Variants in GPX4 observed in about 807,000 individuals in gnomAD.
GPX4 encodes glutathione peroxidase 4.
In GPX4, 28 loss-of-function variants were observed where a neutral mutation model predicts 27.8. The observed-to-expected ratio is 1.01, with a 90% CI of 0.75 to 1.38. The LOEUF is 1.38. Ranked by LOEUF, GPX4 falls within the 40% of genes most tolerant of loss-of-function variation. The pLI, the probability that GPX4 is intolerant of heterozygous loss-of-function variation, is 0.00. For synonymous variants in GPX4, 163 were observed against 107.8 expected (o/e 1.51, Z -3.17); for missense variants, 357 against 274.1 (o/e 1.30, Z -2.14).
In GPX4 at chr19:1,106,159, C is replaced by G. The variant is rs8178976; in HGVS notation, c.477-83C>G. The G allele has an allele frequency of 3.0e-3, 4,034 of 1,338,618 alleles. 94 individuals are homozygous for G. In the African/African-American group the frequency reaches 0.053, roughly 18 times the overall value. The allele number at this position is 1,338,618 out of a possible 1,614,324, so 82.9% of individuals were successfully genotyped here. On this transcript the variant is annotated intron_variant, in intron 4 of 6. Transcript: ENST00000354171. Reference sequence around the variant, plus strand: ...TGGAGGCAGCCGGGGAAGCTCACACCCTTGTGGCCTCCTGGAGACAGGACA... The same window carrying G: ...TGGAGGCAGCCGGGGAAGCTCACACGCTTGTGGCCTCCTGGAGACAGGACA...
chr19:1,105,381 C>A lies in GPX4; in HGVS notation c.195C>A (p.Ile65=). The A allele has an allele frequency of 6.2e-7, 1 of 1,610,408 alleles. No homozygotes were observed. The highest frequency in any genetic ancestry group is 8.5e-7 in the Non-Finnish European group (1 of 1,177,960). The change falls in exon 3 of 7, where the codon ATC becomes ATA. Residue 65 remains isoleucine, a synonymous_variant. Transcript: ENST00000354171. ...NLDKYRGFVC[I]VTNVASQUGK... ...ATCCTCGCAGGGGCTTCGTGTGCATCGTCACCAACGTGGCCTCCCAGTGAG... is the reference window on the plus strand; with the variant it reads ...ATCCTCGCAGGGGCTTCGTGTGCATAGTCACCAACGTGGCCTCCCAGTGAG...
At chr19:1,106,111 G>T (rs1473540458) in intron 4 of GPX4, 131 bp from the exon 5 acceptor site, 1 of 866,672 alleles carries the variant, frequency 1.2e-6, no homozygotes, top group Non-Finnish European at 1.8e-6. Context: ...TGGCTCTGGG[G>T]GGGCTTGGGG....
chr19:1,106,388 G>T lies in GPX4; in HGVS notation c.502-12G>T, dbSNP rs374681817. 4 of 1,613,478 alleles carry T rather than the reference G, an allele frequency of 2.5e-6. No homozygotes were observed. The highest frequency in any genetic ancestry group is 3.4e-6 in the Non-Finnish European group (4 of 1,179,928). Reference sequence around the variant, plus strand: ...GGGGTGGCCCCACAGTTTGGACACCGTCTCTCCACAGTTCCTCATCGACAA... The same window carrying T: ...GGGGTGGCCCCACAGTTTGGACACCTTCTCTCCACAGTTCCTCATCGACAA... On this transcript the variant is annotated splice_polypyrimidine_tract_variant and intron_variant, in intron 5 of 6. Coordinates refer to ENST00000354171, the MANE Select transcript of GPX4 (RefSeq NM_002085.5).
At position 1,105,435 on chromosome 19, in the gene GPX4, C is replaced by G. The variant is rs199743575; in HGVS notation, c.249C>G (p.Leu83=). 5 of 1,612,478 alleles carry G rather than the reference C, an allele frequency of 3.1e-6. No homozygotes were observed. The highest frequency in any genetic ancestry group is 2.2e-5 in the South Asian group (2 of 91,028). Reference sequence around the variant, plus strand: ...AGACCGAAGTAAACTACACTCAGCTCGTCGACCTGCACGCCCGATACGCTG... The same window carrying G: ...AGACCGAAGTAAACTACACTCAGCTGGTCGACCTGCACGCCCGATACGCTG... ...UGKTEVNYTQ[L]VDLHARYAEC... is the part of the protein sequence containing the mutation. Residue 83 remains leucine (L), a synonymous_variant, in exon 3 of 7, where the codon CTC becomes CTG. Transcript: ENST00000354171.
intron 4 of GPX4, 188 bp from the exon 5 acceptor site, chr19:1,106,054 T>TG (rs2079649156): frequency 2.9e-5 from 11 of 381,230 alleles, no homozygotes; most frequent in South Asian, 5.2e-5. Context: ...CGGGGGCCTG[T>TG]GGGGGGCTGT....
chr19:1,105,370 T>C lies in GPX4; in HGVS notation c.184T>C (p.Phe62Leu). ...TGACGCCGCCGATCCTCGCAGGGGC[T>C]TCGTGTGCATCGTCACCAACGTGGC... is the stretch of plus-strand genomic sequence containing the variant. Reference protein sequence around the residue: ...HMVNLDKYRGFVCIVTNVASQ... With the variant: ...HMVNLDKYRGLVCIVTNVASQ... Residue 62 changes from phenylalanine (F) to leucine (L), a missense_variant, in exon 3 of 7, where the codon TTC becomes CTC. Transcript: ENST00000354171. 6.2e-7 allele frequency: 1 copy of C among 1,610,726 alleles called. No homozygotes were observed. The highest frequency in any genetic ancestry group is 1.1e-5 in the South Asian group (1 of 91,002).
At chr19:1,106,070 C>G in intron 4 of GPX4, 172 bp from the exon 5 acceptor site, 1 of 665,072 alleles carries the variant, frequency 1.5e-6, no homozygotes, top group Non-Finnish European at 2.5e-6. Context: ...GCTGTTGGGA[C>G]TCTCACACTG....
rs1460089744 is a variant in GPX4, at chr19:1,105,665, G to A, written c.332G>A (p.Gly111Glu). 6.2e-7 allele frequency: 1 copy of A among 1,612,984 alleles called. No homozygotes were observed. Reference sequence around the variant, plus strand: ...ACACCTTGGCCGCCACAGGAGCCAGGGAGTAACGAAGAGATCAAAGAGTTC... The same window carrying A: ...ACACCTTGGCCGCCACAGGAGCCAGAGAGTAACGAAGAGATCAAAGAGTTC... ...PCNQFGKQEP[G>E]SNEEIKEFAA... The change falls in exon 4 of 7, where the codon GGG becomes GAG. Residue 111 changes from glycine to glutamate, a missense_variant. By Grantham distance (98) the Gly-to-Glu change is moderately conservative (BLOSUM62 -2). Coordinates refer to ENST00000354171, the MANE Select transcript of GPX4 (RefSeq NM_002085.5).
chr19:1,105,655 C>T lies in GPX4; in HGVS notation c.325-3C>T. ...ACTCACTCACACACCTTGGCCGCCA[C>T]AGGAGCCAGGGAGTAACGAAGAGAT... On this transcript the variant is annotated splice_polypyrimidine_tract_variant and splice_region_variant and intron_variant, in intron 3 of 6. Transcript: ENST00000354171. 6.2e-7 allele frequency: 1 copy of T among 1,612,486 alleles called. No individual in the cohort carries two copies. The highest frequency in any genetic ancestry group is 8.5e-7 in the Non-Finnish European group (1 of 1,179,470).
intron 1 of GPX4, 27 bp from the exon 2 acceptor site, chr19:1,105,159 C>T: frequency 6.2e-7 from 1 of 1,611,350 alleles, no homozygotes; most frequent in Non-Finnish European, 8.5e-7. Flanking sequence ...CGTCCACGCT[C>T]CCTGCTCAGC....
chr19:1,106,290 G>A (rs2079654167), intron 5 of GPX4, 24 bp downstream of exon 5: 2 of 1,604,664 alleles, frequency 1.2e-6, no homozygotes, highest in South Asian at 1.1e-5. Flanking sequence ...GGGGGGTAGG[G>A]GACCAGCTTC....
At position 1,106,766 on chromosome 19, in the gene GPX4, AACAG is replaced by A. The variant is rs1377982394; in HGVS notation, c.*198_*201del. ...CACCCCTGGCTACCTTGTGGGAATA[AACAG>A]ACAAATTAGCCTGCTGGATCTTTCT... On this transcript the variant is annotated 3_prime_UTR_variant, in exon 7 of 7. Coordinates refer to ENST00000354171, the MANE Select transcript of GPX4 (RefSeq NM_002085.5). The A allele has an allele frequency of 8.6e-5, 57 of 665,864 alleles. No homozygotes were observed. The highest frequency in any genetic ancestry group is 2.1e-4 in the Admixed American group (7 of 33,702). 41.2% of individuals were successfully genotyped at this position (665,864 alleles called of 1,614,324 possible).
In GPX4 at chr19:1,106,589, C is replaced by T. The variant is rs1009750694; in HGVS notation, c.*17C>T. The stretch of plus-strand genomic sequence containing the variant: ...TATTTCTAGCTCCACAAGTGTGTGG[C>T]CCCGCCCGAGCCCCTGCCCACGCCC... On this transcript the variant is annotated 3_prime_UTR_variant, in exon 7 of 7. Coordinates refer to ENST00000354171, the MANE Select transcript of GPX4 (RefSeq NM_002085.5). The T allele has an allele frequency of 1.9e-6, 3 of 1,612,990 alleles. No individual in the cohort carries two copies. Among genetic ancestry groups the T allele is most frequent in the Admixed American group, 3.3e-5 (2 of 59,964 alleles).
intron 1 of GPX4, chr19:1,104,965 C>G (rs766444073): frequency 5.7e-5 from 84 of 1,481,402 alleles, no homozygotes; most frequent in Non-Finnish European, 7.1e-5. Context: ...TAATGTGGCA[C>G]ATTTTGGGGT....
In GPX4 at chr19:1,104,069, T is replaced by A; in HGVS notation, c.26T>A (p.Leu9Gln). The A allele has an allele frequency of 6.6e-7, 1 of 1,519,294 alleles. No homozygotes were observed. The highest frequency in any genetic ancestry group is 8.8e-7 in the Non-Finnish European group (1 of 1,139,970). The allele number at this position is 1,519,294 out of a possible 1,614,324, so 94.1% of individuals were successfully genotyped here. ...ATGAGCCTCGGCCGCCTTTGCCGCC[T>A]ACTGAAGCCGGCGCTGCTCTGTGGG... MSLGRLCR[L>Q]LKPALLCGAL... is the part of the protein sequence containing the mutation. The change falls in exon 1 of 7, where the codon CTA (leucine) becomes CAA (glutamine). Residue 9 changes from leucine to glutamine, a missense_variant. Coordinates refer to ENST00000354171, the MANE Select transcript of GPX4 (RefSeq NM_002085.5).
chr19:1,104,273 C>G (rs966617179), intron 1 of GPX4, 146 bp downstream of exon 1: 9 of 703,352 alleles, frequency 1.3e-5, no homozygotes, highest in South Asian at 2.7e-5. Context: ...CACCCCCGGC[C>G]GGGCACGGAC....
At chr19:1,106,505 G>T (rs746349582) in intron 6 of GPX4, 35 bp from the exon 7 acceptor site, 1 of 1,611,400 alleles carries the variant, frequency 6.2e-7, no homozygotes, top group Non-Finnish European at 8.5e-7. Context: ...GGGCTTGGGA[G>T]GTAGCTGCCC....
At chr19:1,106,353 G>A in intron 5 of GPX4, 47 bp from the exon 6 acceptor site, 1 of 1,612,556 alleles carries the variant, frequency 6.2e-7, no homozygotes, top group South Asian at 1.1e-5. Flanking sequence ...GGCAGCCTCA[G>A]CCCCTTGCAG....
intron 1 of GPX4, 115 bp from the exon 2 acceptor site, chr19:1,105,070 AG>A: frequency 6.8e-7 from 1 of 1,479,590 alleles, no homozygotes; most frequent in Non-Finnish European, 9.2e-7. Context: ...TCAGGTCTTC[AG>A]GGCCGCAGGG....
Sources: gnomAD v4.1 joint callset for allele counts on GRCh38, gnomAD v4.1.1 for gene constraint, MANE v1.5 for transcripts, NCBI Gene and HGNC (gene_info 2026-07-23, HGNC 2026-07-21) for gene names.